FAM120A: variants seen among roughly 807,000 people sequenced by gnomAD.
FAM120A encodes the protein constitutive coactivator of PPAR-gamma-like protein 1.
FAM120A carries 15 observed loss-of-function variants against 109.7 expected under a neutral mutation model. That is an observed-to-expected ratio of 0.14 (90% CI 0.09 to 0.21). The LOEUF is 0.21. Among genes scored for constraint, FAM120A ranks in the 10% least tolerant of loss-of-function variants. FAM120A has a pLI of 1.00. For synonymous variants in FAM120A, 493 were observed against 572.8 expected (o/e 0.86, Z 1.99); for missense variants, 899 against 1,439.3 (o/e 0.62, Z 6.07).
intron 1 of FAM120A, among the ~76,000 whole-genome samples, chr9:93,455,436 A>G (rs184781793): frequency 9.8e-5 from 15 of 152,320 alleles, no homozygotes; most frequent in African/African-American, 3.4e-4. Context: ...ATGCTACCAT[A>G]CATTAAAATC....
chr9:93,461,223 C>T (rs939149879), intron 1 of FAM120A, among the ~76,000 whole-genome samples: 3 of 152,126 alleles, frequency 2.0e-5, no homozygotes, highest in African/African-American at 7.2e-5. Flanking sequence ...TGGTGTTTTA[C>T]TGGTTAGTGC....
chr9:93,547,998 GT>G (rs1267918144), intron 11 of FAM120A, among the ~76,000 whole-genome samples: 1 of 152,082 alleles, frequency 6.6e-6, no homozygotes, highest in Admixed American at 6.5e-5. Flanking sequence ...CAACAACATT[GT>G]TTGCTGTCCT....
At position 93,452,262 on chromosome 9, in the gene FAM120A, G is replaced by A; in HGVS notation, c.347G>A (p.Arg116His). 6.3e-7 allele frequency: 1 copy of A among 1,591,158 alleles called. No individual in the cohort carries two copies. The highest frequency in any genetic ancestry group is 1.8e-5 in the Admixed American group (1 of 56,284). Reference protein sequence around the residue: ...HEWVKRQGNERQTAQQIVSHV... With the variant: ...HEWVKRQGNEHQTAQQIVSHV... ...TGGGTCAAGCGGCAGGGCAACGAGC[G>A]CCAGACGGCACAGCAGATCGTCAGC... Residue 116 changes from arginine to histidine, a missense_variant, in exon 1 of 18, where the codon CGC becomes CAC. Physicochemically the swap from Arg to His is conservative, Grantham distance 29. This residue lies in a region of FAM120A where 258 missense variants were observed against 451.4 expected (regional missense o/e 0.57). Transcript: ENST00000277165. The surrounding 1 kb of genome is among the most constrained non-coding windows in gnomAD (Gnocchi z 7.0).
intron 7 of FAM120A, among the ~76,000 whole-genome samples, chr9:93,520,304 A>G (rs1286679893): frequency 3.3e-5 from 5 of 152,278 alleles, no homozygotes; most frequent in Admixed American, 2.6e-4. Flanking sequence ...GTGAGCTATG[A>G]TCATACCTGT....
chr9:93,494,537 G>A (rs1484946704), intron 3 of FAM120A, among the ~76,000 whole-genome samples: 2 of 152,126 alleles, frequency 1.3e-5, no homozygotes, highest in African/African-American at 2.4e-5. Context: ...GCCTGCTCCG[G>A]CTTTTCATCT....
chr9:93,457,533 C>G (rs750291842), intron 1 of FAM120A, among the ~76,000 whole-genome samples: 2 of 152,010 alleles, frequency 1.3e-5, no homozygotes, highest in Non-Finnish European at 2.9e-5. Context: ...TATCCAACCC[C>G]GACAGATGGT....
At chr9:93,543,844 C>T (rs1861792350) in intron 11 of FAM120A, among the ~76,000 whole-genome samples, 1 of 152,092 alleles carries the variant, frequency 6.6e-6, no homozygotes, top group Non-Finnish European at 1.5e-5. Context: ...CTTCCCCCTT[C>T]ATTTATTTAA....
In FAM120A at chr9:93,476,240, C is replaced by T. The variant is rs376575487; in HGVS notation, c.722-16C>T. 86 of 1,544,496 alleles carry T rather than the reference C, an allele frequency of 5.6e-5. No individual in the cohort carries two copies. The African/African-American group carries it at 1.1e-3, about 19-fold the overall frequency. ...TTAAGATGATTGCTTTTATGTTATC[C>T]ATGTTTATATTCCAGGAAATCACAT... On this transcript the variant is annotated splice_polypyrimidine_tract_variant and intron_variant, in intron 2 of 17. Transcript: ENST00000277165.
At chr9:93,512,977 A>C (rs1860400860) in intron 5 of FAM120A, among the ~76,000 whole-genome samples, 2 of 152,226 alleles carry the variant, frequency 1.3e-5, no homozygotes, top group African/African-American at 4.8e-5. Context: ...CTTTCAAGGA[A>C]GGTTTTAGGA....
intron 5 of FAM120A, among the ~76,000 whole-genome samples, chr9:93,512,955 G>A (rs1265652070): frequency 1.3e-5 from 2 of 152,164 alleles, no homozygotes; most frequent in Non-Finnish European, 2.9e-5. Flanking sequence ...TTGCTTTAAA[G>A]GAAAGTTTGT....
At chr9:93,514,010 T>TG (rs1860456886) in intron 5 of FAM120A, among the ~76,000 whole-genome samples, 1 of 152,212 alleles carries the variant, frequency 6.6e-6, no homozygotes. Context: ...CATACTGCTA[T>TG]AAAGAACTGC....
rs1860620934 is a variant in FAM120A at position 93,516,861 on chromosome 9, A to T, written c.1418+592A>T. ...TAGTTGGTTAAAATTTGATCGAGGAAATCTTTAATTTGCACTCCTCCCTTT... is the reference window on the plus strand; with the variant it reads ...TAGTTGGTTAAAATTTGATCGAGGATATCTTTAATTTGCACTCCTCCCTTT... On this transcript the variant is annotated intron_variant, in intron 7 of 17. Coordinates refer to ENST00000277165, the MANE Select transcript of FAM120A (RefSeq NM_014612.5). 2.0e-5 allele frequency among the ~76,000 whole-genome samples: 3 copies of T among 152,308 alleles called. No homozygotes were observed. The South Asian group carries it at 6.2e-4, about 32-fold the overall frequency.
intron 3 of FAM120A, among the ~76,000 whole-genome samples, chr9:93,495,109 T>A (rs1859515258): frequency 6.6e-6 from 1 of 152,190 alleles, no homozygotes; most frequent in Non-Finnish European, 1.5e-5. Context: ...AGGCATTGTG[T>A]GGTGGGCAGC....
chr9:93,541,744 T>C (rs901654656), intron 10 of FAM120A, among the ~76,000 whole-genome samples: 2 of 152,210 alleles, frequency 1.3e-5, no homozygotes, highest in African/African-American at 4.8e-5. Flanking sequence ...CCGGCAGGCT[T>C]CACGTAAGGG....
At chr9:93,542,619 T>C (rs761058153) in intron 10 of FAM120A, among the ~76,000 whole-genome samples, 1 of 152,240 alleles carries the variant, frequency 6.6e-6, no homozygotes, top group Non-Finnish European at 1.5e-5. Context: ...TGAATAGAAT[T>C]ACTGTGTGCT....
chr9:93,475,671 T>C (rs924925297), intron 2 of FAM120A, among the ~76,000 whole-genome samples: 2 of 152,182 alleles, frequency 1.3e-5, no homozygotes, highest in African/African-American at 4.8e-5. Context: ...GGTGATAGGA[T>C]GAGCAGCTTA....
At chr9:93,457,469 T>C (rs1857600383) in intron 1 of FAM120A, among the ~76,000 whole-genome samples, 1 of 152,150 alleles carries the variant, frequency 6.6e-6, no homozygotes, top group Non-Finnish European at 1.5e-5. Context: ...AATCTTTCCA[T>C]GTCTATACTT....
chr9:93,452,975 C>T lies in FAM120A; in HGVS notation c.474+586C>T, dbSNP rs1213514280. On this transcript the variant is annotated intron_variant, in intron 1 of 17. Transcript: ENST00000277165. The surrounding 1 kb of genome is among the most constrained non-coding windows in gnomAD (Gnocchi z 7.0). ...CTACTTCAGAACGCAGTGCCCTGTC[C>T]GTGTTCCTCTTAGTACAGGGTGTTT... 7.4e-6 allele frequency: 10 copies of T among 1,351,728 alleles called. No homozygotes were observed. In the East Asian group the frequency reaches 9.4e-5, roughly 13 times the overall value. 83.7% of individuals were successfully genotyped at this position (1,351,728 alleles called of 1,614,324 possible).
intron 1 of FAM120A, among the ~76,000 whole-genome samples, chr9:93,464,034 G>A (rs952860463): frequency 6.6e-6 from 1 of 152,210 alleles, no homozygotes; most frequent in African/African-American, 2.4e-5. Context: ...GGAAATGGAA[G>A]TACAGAAAGT....
Sources: gnomAD v4.1 joint callset for allele counts (sites outside exome capture counted in the v4.1 genomes callset) on GRCh38, gnomAD v4.1.1 for gene constraint, gnomAD v4.1.1 regional missense constraint, Gnocchi (gnomAD v3.1) non-coding constraint, MANE v1.5 for transcripts, NCBI Gene and HGNC (gene_info 2026-07-23, HGNC 2026-07-21) for gene names.